RUFY3: variants seen among roughly 807,000 people sequenced by gnomAD.
RUFY3 encodes the protein protein RUFY3.
Under a neutral mutation model 84.0 loss-of-function variants are expected in RUFY3, and 34 were observed. That is an observed-to-expected ratio of 0.40 (90% CI 0.31 to 0.54). The LOEUF (loss-of-function observed/expected upper bound fraction) is 0.54, where lower values mean the gene tolerates loss of function less well. RUFY3 is among the 20% of genes least tolerant of loss of function. RUFY3 has a pLI of 0.39. For synonymous variants in RUFY3, 242 were observed against 252.9 expected, an observed-to-expected ratio of 0.96 and a Z score of 0.41; for missense variants, 507 against 736.8, an observed-to-expected ratio of 0.69 and a Z score of 3.61.
Position 70,743,364 on chromosome 4 carries a change from G to C in RUFY3, c.179-19155G>C, listed in dbSNP as rs1031059621. ...TGGGATTACAAGTGTGAACCACTGT[G>C]CCTGGCCTATTATCATTATTATTAA... On this transcript the variant is annotated intron_variant, in intron 1 of 17. Transcript: ENST00000381006. Among the ~76,000 whole-genome samples, 9 of 152,064 alleles carry C rather than the reference G, an allele frequency of 5.9e-5. No homozygotes were observed. The South Asian group carries it at 8.3e-4, about 14-fold the overall frequency.
chr4:70,783,005 G>T, intron 8 of RUFY3, 86 bp from the exon 9 acceptor site: 1 of 773,836 alleles, frequency 1.3e-6, no homozygotes, highest in South Asian at 1.9e-5. Flanking sequence ...CCAAGCCTGA[G>T]AATTACATCC....
chr4:70,741,730 T>A, intron 1 of RUFY3: 1 of 1,331,890 alleles, frequency 7.5e-7, no homozygotes. Flanking sequence ...CTTTTTAAAA[T>A]TTTCTAACCA....
chr4:70,788,604 C>T (rs1484495723), intron 10 of RUFY3, among the ~76,000 whole-genome samples: 1 of 152,020 alleles, frequency 6.6e-6, no homozygotes, highest in Non-Finnish European at 1.5e-5. Flanking sequence ...CATTATTGGG[C>T]AAATGTTATT....
At chr4:70,767,781 C>T (rs1222042464) in intron 4 of RUFY3, among the ~76,000 whole-genome samples, 5 of 151,782 alleles carry the variant, frequency 3.3e-5, no homozygotes, top group Non-Finnish European at 7.4e-5. Flanking sequence ...TGTGTTCAAG[C>T]GATTCTCCTG....
At chr4:70,768,685 A>G in intron 5 of RUFY3, 24 bp downstream of exon 5, 2 of 1,611,326 alleles carry the variant, frequency 1.2e-6, no homozygotes, top group Non-Finnish European at 1.7e-6. Flanking sequence ...ACTCATTCCC[A>G]TGGGTGTCAC....
chr4:70,795,511 C>A (rs936961289), intron 14 of RUFY3, among the ~76,000 whole-genome samples: 9 of 152,012 alleles, frequency 5.9e-5, no homozygotes, highest in African/African-American at 2.2e-4. Context: ...ATCTCTGGGG[C>A]CCAGGAAATA....
At position 70,743,828 on chromosome 4, in the gene RUFY3, A is replaced by G. The variant is rs573766570; in HGVS notation, c.179-18691A>G. ...AAAAAATGAGAATGGGGAGAGGGAG[A>G]TGGCTTCACTTTAACTCTTTTGATA... On this transcript the variant is annotated intron_variant, in intron 1 of 17. Transcript: ENST00000381006. Among the ~76,000 whole-genome samples, 397 of 151,778 alleles carry G rather than the reference A, an allele frequency of 2.6e-3. 3 individuals are homozygous for G. Among genetic ancestry groups the G allele is most frequent in the South Asian group, 6.4e-3 (31 of 4,812 alleles).
intron 12 of RUFY3, chr4:70,793,070 C>G: frequency 1.0e-6 from 1 of 985,366 alleles, no homozygotes; most frequent in Non-Finnish European, 1.2e-6. Flanking sequence ...TCTATAGGTG[C>G]AAAGTTATAA....
intron 10 of RUFY3, among the ~76,000 whole-genome samples, chr4:70,787,840 GA>G (rs1169800396): frequency 2.0e-5 from 3 of 152,040 alleles, no homozygotes; most frequent in African/African-American, 7.2e-5. Context: ...TGTTAAGAAG[GA>G]AAGAAACTAA....
chr4:70,729,109 A>G (rs1285039722), intron 1 of RUFY3, among the ~76,000 whole-genome samples: 1 of 152,212 alleles, frequency 6.6e-6, no homozygotes, highest in African/African-American at 2.4e-5. Flanking sequence ...TTCGTGTTTT[A>G]GCTACTGTGA....
chr4:70,755,092 C>T (rs189073830), intron 1 of RUFY3, among the ~76,000 whole-genome samples: 155 of 152,042 alleles, frequency 1.0e-3, no homozygotes, highest in Admixed American at 3.8e-3. Flanking sequence ...TTAGTAAAGA[C>T]GAGGTTTCAC....
At chr4:70,724,505 C>G (rs1239198250) in intron 1 of RUFY3, among the ~76,000 whole-genome samples, 4 of 152,250 alleles carry the variant, frequency 2.6e-5, no homozygotes, top group Non-Finnish European at 2.9e-5. Flanking sequence ...CATTTGAATT[C>G]TTCATAGAGA....
At chr4:70,733,318 TTTG>T (rs1247617221) in intron 1 of RUFY3, among the ~76,000 whole-genome samples, 1 of 152,198 alleles carries the variant, frequency 6.6e-6, no homozygotes, top group East Asian at 1.9e-4. Flanking sequence ...AATGTAATAA[TTTG>T]TTGTTTAAAT....
At chr4:70,722,854 T>C in intron 1 of RUFY3, 103 bp downstream of exon 1, 1 of 1,113,324 alleles carries the variant, frequency 9.0e-7, no homozygotes, top group Admixed American at 2.3e-5. Context: ...CACTCTCAAC[T>C]GTTAACAGTC....
intron 1 of RUFY3, among the ~76,000 whole-genome samples, chr4:70,716,039 G>A (rs534458179): frequency 6.4e-4 from 97 of 152,170 alleles, no homozygotes; most frequent in Non-Finnish European, 1.1e-3. Flanking sequence ...ACTTGAACCC[G>A]GCAGGTGGAG....
At chr4:70,773,025 C>T (rs1727249896) in intron 5 of RUFY3, among the ~76,000 whole-genome samples, 1 of 152,090 alleles carries the variant, frequency 6.6e-6, no homozygotes, top group Non-Finnish European at 1.5e-5. Flanking sequence ...AAAATGAAGA[C>T]GTGTACATCA....
chr4:70,750,894 T>A (rs1190440146), intron 1 of RUFY3, among the ~76,000 whole-genome samples: 1 of 152,216 alleles, frequency 6.6e-6, no homozygotes, highest in Non-Finnish European at 1.5e-5. Context: ...TCAAGGGTTA[T>A]CCATGTTGTA....
intron 1 of RUFY3, among the ~76,000 whole-genome samples, chr4:70,738,976 A>G (rs1256430030): frequency 6.6e-6 from 1 of 151,894 alleles, no homozygotes; most frequent in South Asian, 2.1e-4. Context: ...CTGCCTTCCA[A>G]AGTGCTGGGA....
At chr4:70,806,494 G>A (rs758843485) in intron 17 of RUFY3, 22 bp from the exon 18 acceptor site, 7 of 1,612,522 alleles carry the variant, frequency 4.3e-6, no homozygotes, top group South Asian at 2.2e-5. Flanking sequence ...TCTATTCCCC[G>A]CCTAACCTCC....
Sources: allele counts gnomAD v4.1 joint callset (sites outside exome capture counted in the v4.1 genomes callset), GRCh38; gene constraint gnomAD v4.1.1; transcripts MANE v1.5; gene names NCBI Gene and HGNC (gene_info 2026-07-23, HGNC 2026-07-21).